The following SMCHD1 variants were observed in gnomAD, a reference collection of about 807,000 sequenced individuals.
SMCHD1 encodes the protein structural maintenance of chromosomes flexible hinge domain containing 1.
In SMCHD1, 78 loss-of-function variants were observed where a neutral mutation model predicts 254.7. The ratio of observed to expected loss-of-function variants is 0.31; its 90% confidence interval spans 0.26 to 0.37. The LOEUF (loss-of-function observed/expected upper bound fraction) is 0.37, where lower values mean the gene tolerates loss of function less well. Among genes scored for constraint, SMCHD1 ranks in the 10% least tolerant of loss-of-function variants. SMCHD1 has a pLI of 1.00. For synonymous variants in SMCHD1, 766 were observed against 794.9 expected (o/e 0.96, Z 0.61); for missense variants, 1,840 against 2,408.1 (o/e 0.76, Z 4.94).
At chr18:2,735,730 T>C (rs1300674416) in intron 25 of SMCHD1, among the ~76,000 whole-genome samples, 1 of 152,150 alleles carries the variant, frequency 6.6e-6, no homozygotes. Context: ...GTGAAAGATC[T>C]CTGCAAGGAG....
At chr18:2,738,878 C>A (rs2075299184) in intron 26 of SMCHD1, among the ~76,000 whole-genome samples, 1 of 152,100 alleles carries the variant, frequency 6.6e-6, no homozygotes, top group East Asian at 1.9e-4. Context: ...CCTTTCATTG[C>A]TTAGTGAGAA....
At chr18:2,707,668 T>C (rs771321618) in intron 16 of SMCHD1, 23 bp downstream of exon 16, 1 of 1,528,118 alleles carries the variant, frequency 6.5e-7, no homozygotes, top group South Asian at 1.2e-5. Flanking sequence ...ATTTTTCTAA[T>C]ACCAAAAAGT....
rs2074317652 is a variant in SMCHD1, at chr18:2,697,876, A to G, written c.1177A>G (p.Arg393Gly). The G allele has an allele frequency of 1.2e-6, 2 of 1,613,592 alleles. No individual in the cohort carries two copies. Among genetic ancestry groups the G allele is most frequent in the Non-Finnish European group, 1.7e-6 (2 of 1,179,632 alleles). The part of the protein sequence containing the change: ...KGKVPKIVNL[R>G]EIQDDMQTLY... Reference sequence around the variant, plus strand: ...GAAGGTACCTAAGATTGTCAACCTAAGGGAAATACAAGACGACATGCAGAC... The same window carrying G: ...GAAGGTACCTAAGATTGTCAACCTAGGGGAAATACAAGACGACATGCAGAC... The change falls in exon 10 of 48, where the codon AGG becomes GGG. Residue 393 changes from arginine (R) to glycine (G), a missense_variant. This residue lies in a region of SMCHD1 where 498 missense variants were observed against 743.5 expected (regional missense o/e 0.67). Transcript: ENST00000320876.
At chr18:2,775,649 G>C (rs1162895644) in intron 41 of SMCHD1, 85 bp from the exon 42 acceptor site, 1 of 998,962 alleles carries the variant, frequency 1.0e-6, no homozygotes, top group Non-Finnish European at 1.4e-6. Context: ...AGAAGTTTTT[G>C]TTACCTAGGC....
At chr18:2,700,480 T>C in intron 10 of SMCHD1, 59 bp from the exon 11 acceptor site, 9 of 1,507,252 alleles carry the variant, frequency 6.0e-6, no homozygotes, top group Non-Finnish European at 8.1e-6. Context: ...ATGTGTTTGT[T>C]TCATTATTTC....
intron 29 of SMCHD1, among the ~76,000 whole-genome samples, chr18:2,747,167 T>A (rs1004754306): frequency 1.3e-4 from 20 of 152,194 alleles, no homozygotes; most frequent in African/African-American, 4.8e-4. Flanking sequence ...ATGTTAAAAG[T>A]AATCTAAAGA....
At chr18:2,687,760 C>T (rs1441043759) in intron 5 of SMCHD1, among the ~76,000 whole-genome samples, 2 of 152,082 alleles carry the variant, frequency 1.3e-5, no homozygotes, top group Non-Finnish European at 2.9e-5. Flanking sequence ...CCTGTGGTTA[C>T]GTTCTTTGCA....
chr18:2,681,789 G>A (rs189843240), intron 5 of SMCHD1, among the ~76,000 whole-genome samples: 44 of 152,076 alleles, frequency 2.9e-4, no homozygotes, highest in African/African-American at 9.4e-4. Context: ...TTGGGTCAGC[G>A]CTACTCTTTC....
intron 7 of SMCHD1, chr18:2,691,959 C>A (rs1231353241): frequency 3.3e-5 from 5 of 152,230 alleles, no homozygotes; most frequent in Non-Finnish European, 7.3e-5. Flanking sequence ...GGTTACTGAT[C>A]TTTCAGTGCC....
intron 33 of SMCHD1, 145 bp downstream of exon 33, chr18:2,751,538 T>A: frequency 1.8e-6 from 1 of 568,482 alleles, no homozygotes; most frequent in Non-Finnish European, 3.1e-6. Flanking sequence ...GTTAAAGAAA[T>A]TACATCAATG....
intron 1 of SMCHD1, among the ~76,000 whole-genome samples, chr18:2,659,764 A>G (rs113169085): frequency 1.6e-4 from 5 of 31,870 alleles, no homozygotes; most frequent in African/African-American, 1.0e-3. Flanking sequence ...TGAGATTTTG[A>G]AAAAAAAAAA....
chr18:2,782,183 C>T (rs10401092), intron 44 of SMCHD1, among the ~76,000 whole-genome samples: 37,983 of 151,986 alleles, frequency 0.25, 4,860 homozygotes, highest in South Asian at 0.35. Context: ...CTTGGTAACA[C>T]TGTTGAGTTT....
At chr18:2,795,039 G>GTTTTTTTTT in intron 45 of SMCHD1, among the ~76,000 whole-genome samples, 1 of 148,556 alleles carries the variant, frequency 6.7e-6, no homozygotes, top group East Asian at 2.0e-4. Context: ...AAAATTCTGG[G>GTTTTTTTTT]TTTTTTTTTT....
chr18:2,775,148 G>A (rs752662971), intron 41 of SMCHD1, among the ~76,000 whole-genome samples: 51 of 131,976 alleles, frequency 3.9e-4, no homozygotes, highest in African/African-American at 9.1e-4. Context: ...GCACAATCTC[G>A]GCTCACTGCA....
intron 28 of SMCHD1, 83 bp downstream of exon 28, chr18:2,740,904 G>C: frequency 1.3e-6 from 1 of 756,426 alleles, no homozygotes; most frequent in East Asian, 2.7e-5. Flanking sequence ...ACTAGTATAA[G>C]AAAAAAGTTT....
chr18:2,803,347 T>A lies in SMCHD1; in HGVS notation c.*795T>A, dbSNP rs2076396970. On this transcript the variant is annotated 3_prime_UTR_variant, in exon 48 of 48. Coordinates refer to ENST00000320876, the MANE Select transcript of SMCHD1 (RefSeq NM_015295.3). Reference sequence around the variant, plus strand: ...ACATTATTTTGTAATTTTTTATTACTATTTTTAAGGGGTTAAAGAGAACAT... The same window carrying A: ...ACATTATTTTGTAATTTTTTATTACAATTTTTAAGGGGTTAAAGAGAACAT... 6.6e-6 allele frequency: 1 copy of A among 151,574 alleles called. No individual in the cohort carries two copies. The allele number at this position is 151,574 out of a possible 1,614,324, so 9.4% of individuals were successfully genotyped here.
At chr18:2,708,523 C>T in intron 17 of SMCHD1, among the ~76,000 whole-genome samples, 1 of 151,872 alleles carries the variant, frequency 6.6e-6, no homozygotes, top group African/African-American at 2.4e-5. Context: ...AAAGTAAGAC[C>T]CTGTCTCTAA....
chr18:2,740,693 C>T lies in SMCHD1; in HGVS notation c.3515-10C>T. ...AGATAATACTAAAATAAAACTTCCC[C>T]CTTTTTTAGTTATAATAATTACAGA... is the stretch of plus-strand genomic sequence containing the variant. On this transcript the variant is annotated splice_polypyrimidine_tract_variant and intron_variant, in intron 27 of 47. Coordinates refer to ENST00000320876, the MANE Select transcript of SMCHD1 (RefSeq NM_015295.3). The T allele has an allele frequency of 6.9e-7, 1 of 1,442,046 alleles. No homozygotes were observed. Among genetic ancestry groups the T allele is most frequent in the Non-Finnish European group, 9.6e-7 (1 of 1,039,972 alleles). The allele number at this position is 1,442,046 out of a possible 1,614,324, so 89.3% of individuals were successfully genotyped here. A position where few individuals can be genotyped will look rare whatever the true frequency, so the allele number is the denominator to read the frequency against.
At chr18:2,757,207 GTTTTTTC>G (rs1158358822) in intron 34 of SMCHD1, among the ~76,000 whole-genome samples, 5 of 151,946 alleles carry the variant, frequency 3.3e-5, no homozygotes, top group Non-Finnish European at 2.9e-5. Context: ...ATCAAAAATT[GTTTTTTC>G]TTTTTTCTTT....
Sources: gnomAD v4.1 joint callset for allele counts (sites outside exome capture counted in the v4.1 genomes callset) on GRCh38, gnomAD v4.1.1 for gene constraint, gnomAD v4.1.1 regional missense constraint, MANE v1.5 for transcripts, NCBI Gene and HGNC (gene_info 2026-07-23, HGNC 2026-07-21) for gene names.